Variants in ABLIM3 observed in about 807,000 individuals in gnomAD.
ABLIM3 encodes actin-binding LIM protein 3.
ABLIM3 carries 61 observed loss-of-function variants against 109.5 expected under a neutral mutation model. The observed-to-expected ratio is 0.56, with a 90% CI of 0.45 to 0.69. ABLIM3 has a LOEUF of 0.69. ABLIM3 is among the 30% of genes least tolerant of loss of function. ABLIM3 has a pLI of 0.00. For missense variants in ABLIM3, 796 were observed against 889.5 expected (o/e 0.89, Z 1.34); for synonymous variants, 300 against 324.8 (o/e 0.92, Z 0.82).
At chr5:149,193,925 T>G (rs1300034199) in intron 3 of ABLIM3, among the ~76,000 whole-genome samples, 2 of 152,184 alleles carry the variant, frequency 1.3e-5, no homozygotes, top group Admixed American at 1.3e-4. Flanking sequence ...TTCCCTAAAG[T>G]CAATTCCAGG....
At chr5:149,202,743 A>G (rs1026835948) in intron 5 of ABLIM3, among the ~76,000 whole-genome samples, 5 of 152,210 alleles carry the variant, frequency 3.3e-5, no homozygotes, top group African/African-American at 1.2e-4. Flanking sequence ...GGAACTGTCA[A>G]GAGAAAATAA....
At chr5:149,256,043 T>G (rs1441439398) in intron 23 of ABLIM3, among the ~76,000 whole-genome samples, 1 of 152,250 alleles carries the variant, frequency 6.6e-6, no homozygotes, top group African/African-American at 2.4e-5. Context: ...AGAGCTGCAC[T>G]GTTAACCTTC....
At chr5:149,250,385 C>A (rs1753802454) in intron 19 of ABLIM3, 62 bp from the exon 20 acceptor site, 2 of 1,563,446 alleles carry the variant, frequency 1.3e-6, no homozygotes, top group Admixed American at 3.3e-5. Context: ...AGCCAGATGA[C>A]CTCAGGGAGA....
chr5:149,230,821 A>G, intron 9 of ABLIM3, 114 bp downstream of exon 9: 2 of 1,187,074 alleles, frequency 1.7e-6, no homozygotes, highest in Non-Finnish European at 2.5e-6. Context: ...CACACTCCCA[A>G]ATGTGTGCCT....
rs377493862 is a variant in ABLIM3, at chr5:149,233,474, C to A, written c.888+174C>A. Among the ~76,000 whole-genome samples the A allele has an allele frequency of 6.6e-5, 10 of 152,258 alleles. No homozygotes were observed. The South Asian group carries it at 2.1e-3, about 32-fold the overall frequency. On this transcript the variant is annotated intron_variant, in intron 10 of 23. Transcript: ENST00000309868. ...AGGATCCAGTGGGGTACAGGGAGGA[C>A]ATAGATCCCGCCCTCATGAAGCAAA... is the stretch of plus-strand genomic sequence containing the variant.
intron 20 of ABLIM3, among the ~76,000 whole-genome samples, chr5:149,250,744 G>C (rs1009604755): frequency 6.6e-6 from 1 of 152,158 alleles, no homozygotes; most frequent in Admixed American, 6.5e-5. Flanking sequence ...CTGTGCCAGG[G>C]ACTCAGCTAA....
intron 2 of ABLIM3, among the ~76,000 whole-genome samples, chr5:149,155,811 G>A (rs959558232): frequency 1.3e-5 from 2 of 152,176 alleles, no homozygotes; most frequent in South Asian, 2.1e-4. Context: ...CTGAGAAAAC[G>A]CTGGGAGTTG....
At chr5:149,204,072 A>G (rs1377846891) in intron 5 of ABLIM3, among the ~76,000 whole-genome samples, 1 of 152,200 alleles carries the variant, frequency 6.6e-6, no homozygotes, top group Non-Finnish European at 1.5e-5. Context: ...TAGTTGCCTA[A>G]AACAAGGTAC....
chr5:149,206,330 C>T (rs181590522), intron 5 of ABLIM3, among the ~76,000 whole-genome samples: 5 of 152,226 alleles, frequency 3.3e-5, no homozygotes, highest in Admixed American at 6.5e-5. Flanking sequence ...GGCACATGTT[C>T]GATGTGTGAA....
chr5:149,251,420 G>C lies in ABLIM3; in HGVS notation c.1849+1G>C, dbSNP rs750501854. 1 of 1,614,102 alleles carries C rather than the reference G, an allele frequency of 6.2e-7. No individual in the cohort carries two copies. The highest frequency in any genetic ancestry group is 1.7e-5 in the Admixed American group (1 of 60,026). ...AACGCAGTCAACTGGGGCATGCGAGGTGAGTGCAGGCCTGCAGGGGGTCTG... is the reference window on the plus strand; with the variant it reads ...AACGCAGTCAACTGGGGCATGCGAGCTGAGTGCAGGCCTGCAGGGGGTCTG... On this transcript the variant is annotated splice_donor_variant, in intron 21 of 23. Coordinates refer to ENST00000309868, the MANE Select transcript of ABLIM3 (RefSeq NM_014945.5). LOFTEE classifies it high-confidence loss of function.
intron 10 of ABLIM3, among the ~76,000 whole-genome samples, chr5:149,234,743 C>T (rs1762180909): frequency 6.6e-6 from 1 of 152,168 alleles, no homozygotes; most frequent in Non-Finnish European, 1.5e-5. Context: ...CAGACCACAG[C>T]AGGATTAATG....
intron 16 of ABLIM3, among the ~76,000 whole-genome samples, chr5:149,245,777 GGGAAAT>G (rs1205759512): frequency 2.0e-5 from 3 of 152,032 alleles, no homozygotes; most frequent in African/African-American, 7.3e-5. Flanking sequence ...CAAGTATGGG[GGGAAAT>G]TTTTCCCCCC....
Position 149,240,653 on chromosome 5 carries a change from C to T in ABLIM3, c.1205-23C>T, listed in dbSNP as rs372807241. 2.1e-5 allele frequency: 33 copies of T among 1,597,576 alleles called. No homozygotes were observed. The African/African-American group carries it at 2.3e-4, about 11-fold the overall frequency. ...TTCTCTGTGCCTCTGTTTTCTTTGG[C>T]GACCACTTCCTGCGTGCTCCAGGGC... On this transcript the variant is annotated intron_variant, in intron 13 of 23. Coordinates refer to ENST00000309868, the MANE Select transcript of ABLIM3 (RefSeq NM_014945.5).
chr5:149,149,575 G>A (rs1335641808), intron 2 of ABLIM3, among the ~76,000 whole-genome samples: 2 of 152,274 alleles, frequency 1.3e-5, no homozygotes, highest in Admixed American at 1.3e-4. Context: ...CAGGAAGTTA[G>A]GATCCCAATT....
Position 149,244,594 on chromosome 5 carries a change from G to A in ABLIM3, c.1352-287G>A, listed in dbSNP as rs1753170961. 5 of 437,340 alleles carry A rather than the reference G, an allele frequency of 1.1e-5. No homozygotes were observed. In the South Asian group the frequency reaches 1.4e-4, roughly 12 times the overall value. The allele number at this position is 437,340 out of a possible 1,614,324, so 27.1% of individuals were successfully genotyped here. A position where few individuals can be genotyped will look rare whatever the true frequency, so the allele number is the denominator to read the frequency against. Reference sequence around the variant, plus strand: ...ACCTGGGAATCCATGGAATGTGCTGGAAAGAGCCCTGGGCTGGGATCTGGT... The same window carrying A: ...ACCTGGGAATCCATGGAATGTGCTGAAAAGAGCCCTGGGCTGGGATCTGGT... On this transcript the variant is annotated intron_variant, in intron 15 of 23. Coordinates refer to ENST00000309868, the MANE Select transcript of ABLIM3 (RefSeq NM_014945.5).
rs73795950 is a variant in ABLIM3 at position 149,236,059 on chromosome 5, C to T, written c.889-1389C>T. On this transcript the variant is annotated intron_variant, in intron 10 of 23. Coordinates refer to ENST00000309868, the MANE Select transcript of ABLIM3 (RefSeq NM_014945.5). ...GGAATAAGTGTGCCAACCTCTCTCT[C>T]CATTCACCCTCTAGTCTCTGCTGGT... Among the ~76,000 whole-genome samples, 217 of 152,340 alleles carry T rather than the reference C, an allele frequency of 1.4e-3. 1 individual carries two copies. Among genetic ancestry groups the T allele is most frequent in the African/African-American group, 4.8e-3 (198 of 41,576 alleles).
At position 149,258,951 on chromosome 5, in the gene ABLIM3, A is replaced by T. The variant is rs1754681981; in HGVS notation, c.*547A>T. 2 of 990,408 alleles carry T rather than the reference A, an allele frequency of 2.0e-6. No homozygotes were observed. The highest frequency in any genetic ancestry group is 2.4e-6 in the Non-Finnish European group (2 of 833,176). The allele number at this position is 990,408 out of a possible 1,614,324, so 61.4% of individuals were successfully genotyped here. ...AATGCAGTTAAAAGGGTGAGCCTCAAATCTAGTCATTACACCAGTCAACAG... is the reference window on the plus strand; with the variant it reads ...AATGCAGTTAAAAGGGTGAGCCTCATATCTAGTCATTACACCAGTCAACAG... On this transcript the variant is annotated 3_prime_UTR_variant, in exon 24 of 24. Transcript: ENST00000309868.
chr5:149,190,836 T>G (rs1423628312), intron 3 of ABLIM3, among the ~76,000 whole-genome samples: 2 of 152,128 alleles, frequency 1.3e-5, no homozygotes, highest in Non-Finnish European at 2.9e-5. Flanking sequence ...ATGGCAGAAC[T>G]GAGATGAAAG....
At chr5:149,224,873 C>G (rs1165511593) in intron 8 of ABLIM3, among the ~76,000 whole-genome samples, 2 of 152,206 alleles carry the variant, frequency 1.3e-5, no homozygotes, top group Non-Finnish European at 2.9e-5. Context: ...CTGACTTGCT[C>G]TAGACAATGC....
Sources: gnomAD v4.1 joint callset for allele counts (sites outside exome capture counted in the v4.1 genomes callset) on GRCh38, gnomAD v4.1.1 for gene constraint, MANE v1.5 for transcripts, NCBI Gene and HGNC (gene_info 2026-07-23, HGNC 2026-07-21) for gene names.